Variants in EML3 observed in about 807,000 individuals in gnomAD.
EML3 encodes EMAP like 3.
A neutral mutation model predicts 106.7 loss-of-function variants in EML3; 53 were observed. That is an observed-to-expected ratio of 0.50 (90% CI 0.40 to 0.62). The LOEUF (loss-of-function observed/expected upper bound fraction) is 0.62, where lower values mean the gene tolerates loss of function less well. EML3 is among the 20% of genes least tolerant of loss of function. The pLI is 0.00. For missense variants in EML3, 994 were observed against 1,209.1 expected (o/e 0.82, Z 2.64); for synonymous variants, 499 against 489.6 (o/e 1.02, Z -0.25).
intron 1 of EML3, chr11:62,611,955 C>G (rs1942853473): frequency 2.7e-6 from 1 of 367,838 alleles, no homozygotes; most frequent in African/African-American, 2.1e-5. Flanking sequence ...CCCACGCGCC[C>G]CCAGCAAGCT....
At position 62,606,595 on chromosome 11, in the gene EML3, G is replaced by A. The variant is rs907508253; in HGVS notation, c.1504+363C>T. Reference sequence around the variant, plus strand: ...AACCTGGCTGGGCGCCGTGGCTCACGCCTGTAATCCCAGCACTTTGGGAGG... The same window carrying A: ...AACCTGGCTGGGCGCCGTGGCTCACACCTGTAATCCCAGCACTTTGGGAGG... On this transcript the variant is annotated intron_variant, in intron 12 of 21. Transcript: ENST00000394773. 4.6e-5 allele frequency among the ~76,000 whole-genome samples: 7 copies of A among 152,328 alleles called. No individual in the cohort carries two copies. The South Asian group carries it at 6.2e-4, about 14-fold the overall frequency.
chr11:62,609,596 T>C (rs749808362), intron 5 of EML3, 33 bp downstream of exon 5: 1 of 1,592,274 alleles, frequency 6.3e-7, no homozygotes, highest in African/African-American at 1.3e-5. Context: ...AACCCTGCCA[T>C]CCAAGTTTTC....
chr11:62,605,950 T>C lies in EML3; in HGVS notation c.1687A>G (p.Ile563Val), dbSNP rs201324536. ...AGCTCAGAGCCAAGCCCTTCAGCAA[T>C]GGCTCGCACGGCCCCGAAGTGCTCG... Reference protein sequence around the residue: ...IPEHFGAVRAIAEGLGSELLV... With the variant: ...IPEHFGAVRAVAEGLGSELLV... The change falls in exon 14 of 22, where the codon ATT becomes GTT. Residue 563 changes from isoleucine (I) to valine (V), a missense_variant. By Grantham distance (29) the Ile-to-Val change is conservative. Coordinates refer to ENST00000394773, the MANE Select transcript of EML3 (RefSeq NM_153265.3). The surrounding 1 kb of genome is among the most constrained non-coding windows in gnomAD (Gnocchi z 5.2). 207 of 1,614,056 alleles carry C rather than the reference T, an allele frequency of 1.3e-4. No individual in the cohort carries two copies. Among genetic ancestry groups the C allele is most frequent in the Middle Eastern group, 1.6e-4 (1 of 6,082 alleles).
In EML3 at chr11:62,608,266, C is replaced by A; in HGVS notation, c.1141G>T (p.Asp381Tyr). 6.8e-6 allele frequency: 11 copies of A among 1,613,962 alleles called. No homozygotes were observed. Among genetic ancestry groups the A allele is most frequent in the Non-Finnish European group, 9.3e-6 (11 of 1,180,008 alleles). ...ACCGACAGCATGTGCTCATTGGAATCATCCACCACACAAAGAAAGGCACCC... is the reference window on the plus strand; with the variant it reads ...ACCGACAGCATGTGCTCATTGGAATAATCCACCACACAAAGAAAGGCACCC... Reference protein sequence around the residue: ...DQGAFLCVVDDSNEHMLSVWD... With the variant: ...DQGAFLCVVDYSNEHMLSVWD... The change falls in exon 10 of 22, where the codon GAT becomes TAT. Residue 381 changes from aspartate to tyrosine, a missense_variant. Physicochemically the swap from Asp to Tyr is radical, Grantham distance 160. This residue lies in a region of EML3 where 713 missense variants were observed against 920.5 expected (regional missense o/e 0.77). Coordinates refer to ENST00000394773, the MANE Select transcript of EML3 (RefSeq NM_153265.3).
At chr11:62,604,815 C>T in intron 16 of EML3, 1 of 258,344 alleles carries the variant, frequency 3.9e-6, no homozygotes, top group South Asian at 6.7e-5. Context: ...AGCTGGAAGC[C>T]TGTCACTTCC....
intron 12 of EML3, 99 bp downstream of exon 12, chr11:62,606,856 CAAA>C (rs71056532): frequency 5.7e-3 from 5,211 of 908,910 alleles, no homozygotes; most frequent in South Asian, 0.011. Context: ...GACCTCATCT[CAAA>C]AAAAAAAAAA....
In EML3 at chr11:62,607,772, C is replaced by T; in HGVS notation, c.1256G>A (p.Ser419Asn). The T allele has an allele frequency of 6.2e-7, 1 of 1,614,104 alleles. No individual in the cohort carries two copies. Residue 419 changes from serine (S) to asparagine (N), a missense_variant, in exon 11 of 22, where the codon AGC becomes AAC. By Grantham distance (46) the Ser-to-Asn change is conservative (BLOSUM62 1). Around this residue, in one of 3 missense-constraint regions of EML3, gnomAD observed 713 missense variants for 920.5 expected, o/e 0.77. Coordinates refer to ENST00000394773, the MANE Select transcript of EML3 (RefSeq NM_153265.3). ...LAVGFNPRDS[S>N]CIVTSGKSHV... ...AGATTTCCCACTGGTGACGATGCAG[C>T]TGCTGTCACGAGGGTTGAAGCCAAC...
Position 62,608,267 on chromosome 11 carries a change from A to G in EML3, c.1140T>C (p.Asp380=). The G allele has an allele frequency of 6.2e-7, 1 of 1,613,976 alleles. No individual in the cohort carries two copies. Among genetic ancestry groups the G allele is most frequent in the Non-Finnish European group, 8.5e-7 (1 of 1,180,006 alleles). Residue 380 remains aspartate (D), a synonymous_variant, in exon 10 of 22, where the codon GAT becomes GAC. Coordinates refer to ENST00000394773, the MANE Select transcript of EML3 (RefSeq NM_153265.3). ...ADQGAFLCVV[D]DSNEHMLSVW... ...CCGACAGCATGTGCTCATTGGAATC[A>G]TCCACCACACAAAGAAAGGCACCCT...
chr11:62,603,058 T>C (rs1479374270), intron 20 of EML3, 91 bp downstream of exon 20: 21 of 1,560,894 alleles, frequency 1.3e-5, no homozygotes, highest in East Asian at 2.3e-5. Context: ...TTCTGGACTC[T>C]CACCCAACGA....
Position 62,605,332 on chromosome 11 carries a change from CAG to C in EML3, c.1915-154_1915-153del, listed in dbSNP as rs1327336736. The C allele has an allele frequency of 6.5e-6, 5 of 764,370 alleles. No individual in the cohort carries two copies. The highest frequency in any genetic ancestry group is 1.0e-5 in the Non-Finnish European group (5 of 491,824). The allele number at this position is 764,370 out of a possible 1,614,324, so 47.3% of individuals were successfully genotyped here. A position where few individuals can be genotyped will look rare whatever the true frequency, so the allele number is the denominator to read the frequency against. ...TACCCGGGTATCACTGGAGCCTGAA[CAG>C]GGAGTGATACCAAAATATTTAACCA... On this transcript the variant is annotated intron_variant, in intron 15 of 21. Transcript: ENST00000394773. This position sits in a 1 kb window ranked among gnomAD's most constrained non-coding sequence, Gnocchi z 5.2.
Position 62,612,581 on chromosome 11 carries a change from C to G in EML3, c.-124G>C, listed in dbSNP as rs1942889831. 1 of 996,140 alleles carries G rather than the reference C, an allele frequency of 1.0e-6. No individual in the cohort carries two copies. Among genetic ancestry groups the G allele is most frequent in the Non-Finnish European group, 1.3e-6 (1 of 753,630 alleles). 61.7% of individuals were successfully genotyped at this position (996,140 alleles called of 1,614,324 possible). ...GCGCGAAGGGCGCCGTACCACCACC[C>G]CGAGGGGGCGCTGTCGGGCGCGGGG... On this transcript the variant is annotated 5_prime_UTR_variant, in exon 1 of 22. Transcript: ENST00000394773.
In EML3 at chr11:62,606,185, CG is replaced by C. The variant is rs1248023779; in HGVS notation, c.1533del (p.His511GlnfsTer19). On this transcript the variant is annotated frameshift_variant, in exon 13 of 22. Coordinates refer to ENST00000394773, the MANE Select transcript of EML3 (RefSeq NM_153265.3). LOFTEE classifies it high-confidence loss of function. ...KETYGIVAQA[H>X]AHEGSIFALC... ...AAGGCGAAGATAGAACCTTCATGAG[CG>C]TGAGCCTGGGCCACAATCCCATAGG... is the stretch of plus-strand genomic sequence containing the variant. 6.2e-7 allele frequency: 1 copy of C among 1,613,846 alleles called. No individual in the cohort carries two copies. The highest frequency in any genetic ancestry group is 8.5e-7 in the Non-Finnish European group (1 of 1,180,038).
Position 62,611,490 on chromosome 11 carries a change from C to G in EML3, c.129G>C (p.Leu43=). 6.2e-7 allele frequency: 1 copy of G among 1,613,800 alleles called. No homozygotes were observed. The highest frequency in any genetic ancestry group is 8.5e-7 in the Non-Finnish European group (1 of 1,179,942). ...VKAALAEALR[L]LRLQVPPSSL... Reference sequence around the variant, plus strand: ...AGGAAGGGGGCACCTGCAGCCGCAGCAGGCGAAGGGCTTCTGCCAGGGCTG... The same window carrying G: ...AGGAAGGGGGCACCTGCAGCCGCAGGAGGCGAAGGGCTTCTGCCAGGGCTG... Residue 43 remains leucine, a synonymous_variant, in exon 2 of 22, where the codon CTG becomes CTC. Transcript: ENST00000394773.
At chr11:62,603,704 C>T (rs1414007681) in intron 19 of EML3, 25 bp downstream of exon 19, 18 of 1,604,710 alleles carry the variant, frequency 1.1e-5, no homozygotes, top group Non-Finnish European at 1.5e-5. Context: ...ACCCTCTCCC[C>T]ATGTCCTGCT....
At chr11:62,608,840 C>T in intron 7 of EML3, 35 bp from the exon 8 acceptor site, 6 of 1,563,392 alleles carry the variant, frequency 3.8e-6, no homozygotes, top group Non-Finnish European at 5.2e-6. Flanking sequence ...GGGAAAGGGT[C>T]TCTCAAGACC....
At position 62,602,521 on chromosome 11, in the gene EML3, G is replaced by A. The variant is rs1389449961; in HGVS notation, c.2645C>T (p.Pro882Leu). 1 of 1,496,518 alleles carries A rather than the reference G, an allele frequency of 6.7e-7. No individual in the cohort carries two copies. The highest frequency in any genetic ancestry group is 1.3e-5 in the South Asian group (1 of 75,320). 92.7% of individuals were successfully genotyped at this position (1,496,518 alleles called of 1,614,324 possible). A position where few individuals can be genotyped will look rare whatever the true frequency, so the allele number is the denominator to read the frequency against. Residue 882 changes from proline (P) to leucine (L), a missense_variant, in exon 22 of 22, where the codon CCC (proline) becomes CTC (leucine). Around this residue, in one of 3 missense-constraint regions of EML3, gnomAD observed 713 missense variants for 920.5 expected, o/e 0.77. Coordinates refer to ENST00000394773, the MANE Select transcript of EML3 (RefSeq NM_153265.3). ...GGGGGACAGGGAGGGGGTTCGAGAGGGCGTGGCGGGCGCCGGCCCCGCGCC... is the reference window on the plus strand; with the variant it reads ...GGGGGACAGGGAGGGGGTTCGAGAGAGCGTGGCGGGCGCCGGCCCCGCGCC... Reference protein sequence around the residue: ...AGGAGPAPATPSRTPSLSPAS... With the variant: ...AGGAGPAPATLSRTPSLSPAS...
intron 17 of EML3, 32 bp downstream of exon 17, chr11:62,604,081 G>A (rs377686599): frequency 8.6e-5 from 138 of 1,613,582 alleles, no homozygotes; most frequent in African/African-American, 1.1e-4. Flanking sequence ...GGCCAGGGAC[G>A]CATGTGAGTC....
intron 10 of EML3, 159 bp downstream of exon 10, chr11:62,608,042 G>A: frequency 2.4e-6 from 2 of 839,832 alleles, no homozygotes; most frequent in East Asian, 2.4e-5. Flanking sequence ...CAGAACCCAT[G>A]TCACAAATGA....
rs896393438 is a variant in EML3 at position 62,602,545 on chromosome 11, C to A, written c.2621G>T (p.Gly874Val). 4 of 1,490,540 alleles carry A rather than the reference C, an allele frequency of 2.7e-6. No individual in the cohort carries two copies. The highest frequency in any genetic ancestry group is 3.6e-6 in the Non-Finnish European group (4 of 1,121,774). 92.3% of individuals were successfully genotyped at this position (1,490,540 alleles called of 1,614,324 possible). A position where few individuals can be genotyped will look rare whatever the true frequency, so the allele number is the denominator to read the frequency against. The change falls in exon 22 of 22, where the codon GGC (glycine) becomes GTC (valine). Residue 874 changes from glycine to valine, a missense_variant. By Grantham distance (109) the Gly-to-Val change is moderately radical (BLOSUM62 -3). Coordinates refer to ENST00000394773, the MANE Select transcript of EML3 (RefSeq NM_153265.3). ...IFQWRVLGAG[G>V]AGPAPATPSR... The stretch of plus-strand genomic sequence containing the variant: ...GGGCGTGGCGGGCGCCGGCCCCGCG[C>A]CCCCAGCGCCCAGCACTCGCCACTG...
Sources: gnomAD v4.1 joint callset for allele counts (sites outside exome capture counted in the v4.1 genomes callset) on GRCh38, gnomAD v4.1.1 for gene constraint, gnomAD v4.1.1 regional missense constraint, Gnocchi (gnomAD v3.1) non-coding constraint, MANE v1.5 for transcripts, NCBI Gene and HGNC (gene_info 2026-07-23, HGNC 2026-07-21) for gene names.